Variants in NT5DC1 observed in about 807,000 individuals in gnomAD.
NT5DC1 encodes the protein 5'-nucleotidase domain-containing protein 1.
In NT5DC1, 42 loss-of-function variants were observed where a neutral mutation model predicts 59.4. That is an observed-to-expected ratio of 0.71 (90% CI 0.55 to 0.92). NT5DC1 has a LOEUF of 0.92. NT5DC1 is among the 40% of genes least tolerant of loss of function. The pLI is 0.00. For synonymous variants in NT5DC1, 172 were observed against 188.1 expected, an observed-to-expected ratio of 0.91 and a Z score of 0.70; for missense variants, 501 against 537.1, an observed-to-expected ratio of 0.93 and a Z score of 0.66.
chr6:116,151,464 A>G (rs1428271507), intron 6 of NT5DC1, among the ~76,000 whole-genome samples: 2 of 152,198 alleles, frequency 1.3e-5, no homozygotes, highest in Non-Finnish European at 2.9e-5. Context: ...GTAAAATTTT[A>G]TCTATCCATT....
chr6:116,118,392 C>T (rs1779009483), intron 6 of NT5DC1, among the ~76,000 whole-genome samples: 1 of 152,112 alleles, frequency 6.6e-6, no homozygotes, highest in African/African-American at 2.4e-5. Context: ...CAATCTTGAG[C>T]CCAGAGTTTT....
chr6:116,116,092 A>T (rs1416787000), intron 5 of NT5DC1, among the ~76,000 whole-genome samples: 1 of 152,218 alleles, frequency 6.6e-6, no homozygotes, highest in Non-Finnish European at 1.5e-5. Context: ...TTAGCAAAAT[A>T]AAAAAGTTAG....
intron 6 of NT5DC1, among the ~76,000 whole-genome samples, chr6:116,156,570 A>G (rs1205587782): frequency 6.6e-6 from 1 of 152,246 alleles, no homozygotes; most frequent in Non-Finnish European, 1.5e-5. Context: ...AATTGCAGAT[A>G]TATGAAAGAA....
intron 6 of NT5DC1, among the ~76,000 whole-genome samples, chr6:116,199,599 T>A (rs912563242): frequency 6.6e-6 from 1 of 152,072 alleles, no homozygotes; most frequent in Non-Finnish European, 1.5e-5. Context: ...AATCTCTGAC[T>A]TTAGGCCTGG....
chr6:116,210,919 A>G (rs1423522436), intron 6 of NT5DC1, among the ~76,000 whole-genome samples: 1 of 152,018 alleles, frequency 6.6e-6, no homozygotes, highest in Non-Finnish European at 1.5e-5. Flanking sequence ...GTCTACAAAG[A>G]TAGCTCTCTA....
intron 6 of NT5DC1, among the ~76,000 whole-genome samples, chr6:116,188,956 G>T (rs985906302): frequency 6.6e-6 from 1 of 151,696 alleles, no homozygotes; most frequent in African/African-American, 2.4e-5. Context: ...TAATTGGAAT[G>T]GATAAATAAA....
intron 6 of NT5DC1, among the ~76,000 whole-genome samples, chr6:116,202,508 G>T (rs1250871371): frequency 6.6e-6 from 1 of 151,792 alleles, no homozygotes; most frequent in Non-Finnish European, 1.5e-5. Flanking sequence ...ATTATTATTG[G>T]CAATAGGTTT....
chr6:116,153,609 T>C (rs1429654119), intron 6 of NT5DC1, among the ~76,000 whole-genome samples: 1 of 152,166 alleles, frequency 6.6e-6, no homozygotes, highest in East Asian at 1.9e-4. Flanking sequence ...TTACCTCTAT[T>C]AGGTACCTAG....
At chr6:116,111,487 T>A (rs910116851) in intron 4 of NT5DC1, among the ~76,000 whole-genome samples, 8 of 152,360 alleles carry the variant, frequency 5.3e-5, no homozygotes, top group Non-Finnish European at 1.0e-4. Context: ...CAGAAATGAT[T>A]TATAGACATA....
chr6:116,191,668 C>G (rs768278574), intron 6 of NT5DC1, among the ~76,000 whole-genome samples: 3 of 151,984 alleles, frequency 2.0e-5, no homozygotes, highest in Non-Finnish European at 4.4e-5. Context: ...TAAAGAAAAT[C>G]CATTGCTAAA....
intron 6 of NT5DC1, among the ~76,000 whole-genome samples, chr6:116,118,501 T>C (rs1779011977): frequency 6.6e-6 from 1 of 152,174 alleles, no homozygotes. Flanking sequence ...TGAGCCACAT[T>C]GTCCTGATTA....
At chr6:116,196,528 G>T (rs1781230988) in intron 6 of NT5DC1, among the ~76,000 whole-genome samples, 1 of 151,886 alleles carries the variant, frequency 6.6e-6, no homozygotes, top group African/African-American at 2.4e-5. Context: ...ATAGCACAAA[G>T]AAATTATATC....
chr6:116,117,651 T>C (rs1170911376), intron 5 of NT5DC1, among the ~76,000 whole-genome samples: 2 of 152,136 alleles, frequency 1.3e-5, no homozygotes, highest in Non-Finnish European at 2.9e-5. Context: ...TTGAATACTG[T>C]ACTGAAAGTG....
chr6:116,239,984 A>T (rs751738960), intron 11 of NT5DC1, among the ~76,000 whole-genome samples: 7 of 152,216 alleles, frequency 4.6e-5, no homozygotes, highest in Non-Finnish European at 1.0e-4. Flanking sequence ...TAAAAAATGA[A>T]ATTAAGAACT....
At chr6:116,231,627 G>T (rs1782022664) in intron 8 of NT5DC1, among the ~76,000 whole-genome samples, 1 of 152,188 alleles carries the variant, frequency 6.6e-6, no homozygotes. Context: ...AAAATGAATT[G>T]TATTTCTAGC....
chr6:116,189,122 G>A (rs1781065729), intron 6 of NT5DC1, among the ~76,000 whole-genome samples: 1 of 151,790 alleles, frequency 6.6e-6, no homozygotes, highest in Non-Finnish European at 1.5e-5. Flanking sequence ...GTTGAAATGA[G>A]ATGTTTAGTA....
At chr6:116,232,501 A>T (rs1782037381) in intron 8 of NT5DC1, among the ~76,000 whole-genome samples, 1 of 146,780 alleles carries the variant, frequency 6.8e-6, no homozygotes, top group Admixed American at 6.8e-5. Flanking sequence ...GACTTAAAAA[A>T]CATGTAAATA....
intron 6 of NT5DC1, among the ~76,000 whole-genome samples, chr6:116,170,967 T>G (rs1780591196): frequency 6.6e-6 from 1 of 152,170 alleles, no homozygotes; most frequent in Non-Finnish European, 1.5e-5. Flanking sequence ...GACCTGCCCA[T>G]TCCTCCTCTG....
At chr6:116,201,896 C>A (rs1283927001) in intron 6 of NT5DC1, among the ~76,000 whole-genome samples, 1 of 151,890 alleles carries the variant, frequency 6.6e-6, no homozygotes, top group Non-Finnish European at 1.5e-5. Context: ...TATTTGGATC[C>A]AAATGCCACA....
Sources: gnomAD v4.1 joint callset for allele counts (sites outside exome capture counted in the v4.1 genomes callset) on GRCh38, gnomAD v4.1.1 for gene constraint, MANE v1.5 for transcripts, NCBI Gene and HGNC (gene_info 2026-07-23, HGNC 2026-07-21) for gene names.